Variants in ESCO1 observed in about 807,000 individuals in gnomAD.
ESCO1 encodes the protein establishment of sister chromatid cohesion N-acetyltransferase 1, also known as N-acetyltransferase ESCO1.
Under a neutral mutation model 83.5 loss-of-function variants are expected in ESCO1, and 33 were observed. The ratio of observed to expected loss-of-function variants is 0.40; its 90% CI spans 0.30 to 0.53. ESCO1 has a LOEUF of 0.53. Among genes scored for constraint, ESCO1 ranks in the 20% least tolerant of loss-of-function variants. The probability of loss-of-function intolerance (pLI) is 0.63; values close to 1 mark genes in which losing one functional copy is unlikely to be tolerated. For synonymous variants in ESCO1, 332 were observed against 324.3 expected (o/e 1.02, Z -0.25); for missense variants, 855 against 968.0 (o/e 0.88, Z 1.55).
intron 6 of ESCO1, 121 bp from the exon 7 acceptor site, chr18:21,564,438 T>A (rs2038231720): frequency 1.6e-6 from 1 of 628,580 alleles, no homozygotes; most frequent in Non-Finnish European, 2.6e-6. Flanking sequence ...TCGCCCAGGC[T>A]GGAGTGCAGT....
At position 21,531,830 on chromosome 18, in the gene ESCO1, T is replaced by G. The variant is rs1398024516; in HGVS notation, c.2375+643A>C. ...ATCGTTTGAACCTGGGAGGCAGAGG[T>G]TGCAGTGAGCAGAGATCACGCCACT... On this transcript the variant is annotated intron_variant, in intron 11 of 11. Coordinates refer to ENST00000269214, the MANE Select transcript of ESCO1 (RefSeq NM_052911.3). Among the ~76,000 whole-genome samples the G allele has an allele frequency of 3.0e-5, 4 of 131,538 alleles. No homozygotes were observed. The Admixed American group carries it at 3.7e-4, about 12-fold the overall frequency. The allele number at this position is 131,538 out of a possible 152,430, so 86.3% of individuals were successfully genotyped here. A position where few individuals can be genotyped will look rare whatever the true frequency, so the allele number is the denominator to read the frequency against.
intron 8 of ESCO1, among the ~76,000 whole-genome samples, chr18:21,546,564 T>TAA (rs1242501877): frequency 6.6e-6 from 1 of 152,200 alleles, no homozygotes; most frequent in African/African-American, 2.4e-5. Context: ...GTTTTTGTTT[T>TAA]GAGACAGGGT....
Position 21,574,847 on chromosome 18 carries a change from T to G in ESCO1, c.-4A>C. 4 of 1,570,024 alleles carry G rather than the reference T, an allele frequency of 2.5e-6. No individual in the cohort carries two copies. Among genetic ancestry groups the G allele is most frequent in the Non-Finnish European group, 3.4e-6 (4 of 1,170,328 alleles). On this transcript the variant is annotated 5_prime_UTR_variant, in exon 4 of 12. Coordinates refer to ENST00000269214, the MANE Select transcript of ESCO1 (RefSeq NM_052911.3). Reference sequence around the variant, plus strand: ...ATTTCTCCTGAATGGACATCATTCCTGAGTAATGACTTTCTTTTCTGAGTA... The same window carrying G: ...ATTTCTCCTGAATGGACATCATTCCGGAGTAATGACTTTCTTTTCTGAGTA...
At chr18:21,599,515 G>T (rs994101874) in intron 1 of ESCO1, among the ~76,000 whole-genome samples, 5 of 152,090 alleles carry the variant, frequency 3.3e-5, no homozygotes, top group Non-Finnish European at 7.4e-5. Context: ...CTGGTGGGGG[G>T]ACTAACCACA....
intron 10 of ESCO1, among the ~76,000 whole-genome samples, chr18:21,534,051 G>C (rs9951188): frequency 0.49 from 74,945 of 152,038 alleles, 21,521 homozygotes; most frequent in Non-Finnish European, 0.65. Context: ...AAGTAGCTGG[G>C]ACTACAGGTG....
rs767848342 is a variant in ESCO1, at chr18:21,573,807, A to G, written c.1037T>C (p.Val346Ala). The G allele has an allele frequency of 3.1e-6, 5 of 1,614,104 alleles. No individual in the cohort carries two copies. The South Asian group carries it at 4.4e-5, about 14-fold the overall frequency. The change falls in exon 4 of 12, where the codon GTT becomes GCT. Residue 346 changes from valine (V) to alanine (A), a missense_variant. Val to Ala is a moderately conservative substitution (Grantham distance 64). This residue lies in a region of ESCO1 where 726 missense variants were observed against 699.5 expected (regional missense o/e 1.04). Coordinates refer to ENST00000269214, the MANE Select transcript of ESCO1 (RefSeq NM_052911.3). ...CTTCTGATGAAGTATTTGTCTTTCA[A>G]CACTGGTCTCTTCCAATTTTATTTC... The part of the protein sequence containing the change: ...PTEIKLEETS[V>A]ERQILHQKET...
Position 21,530,336 on chromosome 18 carries a change from ATT to A in ESCO1, c.*5_*6del. 6.3e-7 allele frequency: 1 copy of A among 1,575,666 alleles called. No individual in the cohort carries two copies. Among genetic ancestry groups the A allele is most frequent in the Non-Finnish European group, 8.6e-7 (1 of 1,163,304 alleles). On this transcript the variant is annotated 3_prime_UTR_variant, in exon 12 of 12. Transcript: ENST00000269214. ...ATGTCTTCTAGTGGTGTAGGCAAGAATTTGTTTTACGTGCTATTCTGTCCATT... is the reference window on the plus strand; with the variant it reads ...ATGTCTTCTAGTGGTGTAGGCAAGAATGTTTTACGTGCTATTCTGTCCATT...
At chr18:21,552,506 A>T (rs2038058637) in intron 8 of ESCO1, among the ~76,000 whole-genome samples, 1 of 152,192 alleles carries the variant, frequency 6.6e-6, no homozygotes, top group Non-Finnish European at 1.5e-5. Flanking sequence ...CCTTTCTGCA[A>T]CAATTGTAAG....
intron 2 of ESCO1, among the ~76,000 whole-genome samples, chr18:21,581,318 C>T (rs1431394617): frequency 6.7e-6 from 1 of 149,824 alleles, no homozygotes; most frequent in East Asian, 2.0e-4. Flanking sequence ...GAGAATCCAT[C>T]TCAAAAGAAA....
chr18:21,575,054 G>T lies in ESCO1; in HGVS notation c.-211C>A, dbSNP rs964930896. 2.4e-6 allele frequency: 1 copy of T among 414,026 alleles called. No individual in the cohort carries two copies. Among genetic ancestry groups the T allele is most frequent in the Non-Finnish European group, 4.2e-6 (1 of 236,072 alleles). The allele number at this position is 414,026 out of a possible 1,614,324, so 25.6% of individuals were successfully genotyped here. A position where few individuals can be genotyped will look rare whatever the true frequency, so the allele number is the denominator to read the frequency against. ...GAACATGAGAAAAGCTGGCATGAAT[G>T]CTAAAAGACACTTGCTTTACTTTGG... On this transcript the variant is annotated 5_prime_UTR_variant, in exon 4 of 12. Transcript: ENST00000269214.
chr18:21,550,291 GTTA>G (rs2038029414), intron 8 of ESCO1, among the ~76,000 whole-genome samples: 1 of 152,184 alleles, frequency 6.6e-6, no homozygotes, highest in Non-Finnish European at 1.5e-5. Context: ...TAGATATTCA[GTTA>G]TTATTTAGTT....
intron 2 of ESCO1, among the ~76,000 whole-genome samples, chr18:21,579,580 G>T (rs1418054751): frequency 6.6e-6 from 1 of 151,480 alleles, no homozygotes; most frequent in Non-Finnish European, 1.5e-5. Flanking sequence ...GACCAGCCTG[G>T]CCAACATGGT....
chr18:21,540,487 T>A (rs954170539), intron 8 of ESCO1: 8 of 1,022,686 alleles, frequency 7.8e-6, no homozygotes, highest in Non-Finnish European at 9.6e-6. Context: ...CTGATTTGCA[T>A]GCAGTAGCCC....
rs906116154 is a variant in ESCO1 at position 21,544,921 on chromosome 18, G to A, written c.1954-4912C>T. The stretch of plus-strand genomic sequence containing the variant: ...TCTAGTCAGCGTTGCAGCCAGACCC[G>A]AAGTGCAGTAAAGTAGTGACTGTAA... On this transcript the variant is annotated intron_variant, in intron 8 of 11. Transcript: ENST00000269214. Among the ~76,000 whole-genome samples, 6 of 152,184 alleles carry A rather than the reference G, an allele frequency of 3.9e-5. No homozygotes were observed. The East Asian group carries it at 7.7e-4, about 20-fold the overall frequency.
chr18:21,537,548 A>ACAAT, intron 9 of ESCO1, among the ~76,000 whole-genome samples: 1 of 152,276 alleles, frequency 6.6e-6, no homozygotes, highest in East Asian at 1.9e-4. Context: ...ACAAAACAAA[A>ACAAT]CAAAAAACTA....
At chr18:21,541,251 C>T (rs1598979142) in intron 8 of ESCO1, among the ~76,000 whole-genome samples, 2 of 152,020 alleles carry the variant, frequency 1.3e-5, no homozygotes, top group East Asian at 3.9e-4. Context: ...CACAGAAGTC[C>T]TTTTTTCATC....
In ESCO1 at chr18:21,574,687, T is replaced by C. The variant is rs1374617242; in HGVS notation, c.157A>G (p.Ser53Gly). Residue 53 changes from serine (S) to glycine (G), a missense_variant, in exon 4 of 12, where the codon AGT becomes GGT. Ser to Gly is a moderately conservative substitution (Grantham distance 56, BLOSUM62 0). Around this residue, in one of 2 missense-constraint regions of ESCO1, gnomAD observed 726 missense variants for 699.5 expected, o/e 1.04. Coordinates refer to ENST00000269214, the MANE Select transcript of ESCO1 (RefSeq NM_052911.3). Reference sequence around the variant, plus strand: ...TCTGGCTGATTTATTTTACTTTCACTGGAAGATTTAGCCTGTGATTTTATA... The same window carrying C: ...TCTGGCTGATTTATTTTACTTTCACCGGAAGATTTAGCCTGTGATTTTATA... ...ETIKSQAKSS[S>G]ESKINQPELE... The C allele has an allele frequency of 1.2e-6, 2 of 1,613,534 alleles. No homozygotes were observed. The highest frequency in any genetic ancestry group is 1.7e-6 in the Non-Finnish European group (2 of 1,180,010).
Position 21,575,195 on chromosome 18 carries a change from A to C in ESCO1, c.-352T>G, listed in dbSNP as rs1275391772. On this transcript the variant is annotated 5_prime_UTR_variant, in exon 4 of 12. Coordinates refer to ENST00000269214, the MANE Select transcript of ESCO1 (RefSeq NM_052911.3). ...TAATTTTTTAATTAATTTTGGTTTC[A>C]GGCCTAGCTCTATTACTGGAGGAGT... 2.6e-6 allele frequency: 1 copy of C among 381,428 alleles called. No homozygotes were observed. Among genetic ancestry groups the C allele is most frequent in the East Asian group, 3.7e-5 (1 of 26,846 alleles). 23.6% of individuals were successfully genotyped at this position (381,428 alleles called of 1,614,324 possible).
In ESCO1 at chr18:21,574,788, C is replaced by G. The variant is rs199895696; in HGVS notation, c.56G>C (p.Ser19Thr). The stretch of plus-strand genomic sequence containing the variant: ...TTCTGTTTCTGAATTCTTATCGTCA[C>G]TTTTTTTAGTAACTTTGGAGGAATT... ...KENSSKVTKK[S>T]DDKNSETEIQ... Residue 19 changes from serine to threonine, a missense_variant, in exon 4 of 12, where the codon AGT becomes ACT. Physicochemically the swap from Ser to Thr is moderately conservative, Grantham distance 58. This residue lies in a region of ESCO1 where 726 missense variants were observed against 699.5 expected (regional missense o/e 1.04). Transcript: ENST00000269214. 809 of 1,601,010 alleles carry G rather than the reference C, an allele frequency of 5.1e-4. 15 individuals carry two copies. The East Asian group carries it at 0.017, about 34-fold the overall frequency.
Sources: gnomAD v4.1 joint callset for allele counts (sites outside exome capture counted in the v4.1 genomes callset) on GRCh38, gnomAD v4.1.1 for gene constraint, gnomAD v4.1.1 regional missense constraint, MANE v1.5 for transcripts, NCBI Gene and HGNC (gene_info 2026-07-23, HGNC 2026-07-21) for gene names.